Variants in TG observed in about 807,000 individuals in gnomAD.
The protein encoded by TG is thyroid hormones.
TG carries 270 observed loss-of-function variants against 324.7 expected under a neutral mutation model. That is an observed-to-expected ratio of 0.83 (90% CI 0.75 to 0.92). The LOEUF (loss-of-function observed/expected upper bound fraction) is 0.92, where lower values mean the gene tolerates loss of function less well. Ranked by LOEUF, TG falls within the 40% of genes least tolerant of loss-of-function variation. The pLI is 0.00. For synonymous variants in TG, 1,401 were observed against 1,327.0 expected (o/e 1.06, Z -1.21); for missense variants, 3,591 against 3,456.4 (o/e 1.04, Z -0.98).
chr8:133,045,849 T>G (rs980855788), intron 41 of TG, among the ~76,000 whole-genome samples: 2 of 151,374 alleles, frequency 1.3e-5, no homozygotes, highest in African/African-American at 4.8e-5. Context: ...TGATCCCTAC[T>G]GTTTTGCTCT....
At chr8:133,071,242 A>G (rs2741209) in intron 41 of TG, among the ~76,000 whole-genome samples, 128,855 of 152,218 alleles carry the variant, frequency 0.85, 55,026 homozygotes, top group African/African-American at 0.96. Flanking sequence ...TGGAGTATGC[A>G]TCATTACGCT....
chr8:133,103,687 G>A (rs977391113), intron 43 of TG, among the ~76,000 whole-genome samples: 1 of 152,214 alleles, frequency 6.6e-6, no homozygotes, highest in African/African-American at 2.4e-5. Context: ...CCCTGAGCAA[G>A]CTGTGCTTGA....
At chr8:133,084,834 C>T (rs1846281507) in intron 41 of TG, among the ~76,000 whole-genome samples, 1 of 152,234 alleles carries the variant, frequency 6.6e-6, no homozygotes, top group Admixed American at 6.5e-5. Context: ...ACATGGACTG[C>T]CGTGCCTGTC....
intron 45 of TG, among the ~76,000 whole-genome samples, chr8:133,120,635 C>T (rs770270532): frequency 1.2e-4 from 18 of 152,272 alleles, no homozygotes; most frequent in African/African-American, 2.6e-4. Context: ...TCTTCGTGCA[C>T]GTCAGTCTCT....
At chr8:133,079,392 C>T (rs1845405725) in intron 41 of TG, among the ~76,000 whole-genome samples, 1 of 152,228 alleles carries the variant, frequency 6.6e-6, no homozygotes, top group African/African-American at 2.4e-5. Context: ...TGGTCATCAC[C>T]TTATTAAAGT....
At chr8:132,994,672 A>ACT (rs1447524102) in intron 35 of TG, 1 of 1,285,118 alleles carries the variant, frequency 7.8e-7, no homozygotes, top group African/African-American at 1.5e-5. Context: ...TCCTGAAGGA[A>ACT]CTCAGTTTGA....
chr8:133,121,088 G>A (rs1023436828), intron 45 of TG, among the ~76,000 whole-genome samples: 7 of 152,126 alleles, frequency 4.6e-5, no homozygotes, highest in Admixed American at 1.3e-4. Flanking sequence ...ACTACCTCCC[G>A]TGGCTCCGTG....
intron 35 of TG, among the ~76,000 whole-genome samples, chr8:133,000,481 C>T (rs1833353533): frequency 6.6e-6 from 1 of 152,198 alleles, no homozygotes; most frequent in Admixed American, 6.5e-5. Context: ...GTATAATTTA[C>T]TCCAAGTCAC....
intron 31 of TG, among the ~76,000 whole-genome samples, chr8:132,968,611 C>T (rs765944069): frequency 5.3e-5 from 8 of 152,112 alleles, no homozygotes; most frequent in Non-Finnish European, 1.0e-4. Flanking sequence ...CTTATTTTTC[C>T]ACTCGAATGT....
At chr8:132,912,947 T>C in intron 19 of TG, 100 bp from the exon 20 acceptor site, 3 of 1,131,870 alleles carry the variant, frequency 2.7e-6, no homozygotes, top group Non-Finnish European at 3.9e-6. Flanking sequence ...CTATGTCTCA[T>C]TCCAGTCTGG....
At chr8:133,072,709 G>C (rs1339662066) in intron 41 of TG, among the ~76,000 whole-genome samples, 1 of 152,200 alleles carries the variant, frequency 6.6e-6, no homozygotes, top group Non-Finnish European at 1.5e-5. Flanking sequence ...CTTTAAAAAG[G>C]CTCATTTCCC....
At chr8:132,887,832 A>C (rs561170116) in intron 9 of TG, 152 bp from the exon 10 acceptor site, 1 of 814,656 alleles carries the variant, frequency 1.2e-6, no homozygotes, top group Non-Finnish European at 2.0e-6. Context: ...GGCAATGCCT[A>C]TCTAGATATT....
In TG at chr8:132,872,744, C is replaced by A. The variant is rs190956634; in HGVS notation, c.479-318C>A. 1.4e-3 allele frequency among the ~76,000 whole-genome samples: 218 copies of A among 152,268 alleles called. 1 individual carries two copies. The highest frequency in any genetic ancestry group is 5.0e-3 in the African/African-American group (206 of 41,556). ...ATACTGTATTTTTACTGTACCGTTT[C>A]TATGCTTAGGTATGTCTAGATACAC... On this transcript the variant is annotated intron_variant, in intron 4 of 47. Coordinates refer to ENST00000220616, the MANE Select transcript of TG (RefSeq NM_003235.5).
chr8:133,072,301 G>A (rs957140397), intron 41 of TG, among the ~76,000 whole-genome samples: 1 of 152,176 alleles, frequency 6.6e-6, no homozygotes, highest in Non-Finnish European at 1.5e-5. Flanking sequence ...CTCCCTTAGC[G>A]GTTCTCAGAT....
At chr8:133,031,374 G>A (rs1176635621) in intron 41 of TG, among the ~76,000 whole-genome samples, 2 of 152,180 alleles carry the variant, frequency 1.3e-5, no homozygotes. Flanking sequence ...TCTGTTGATG[G>A]ACATTTGAAT....
chr8:133,063,326 G>C (rs1241663543), intron 41 of TG, among the ~76,000 whole-genome samples: 1 of 151,454 alleles, frequency 6.6e-6, no homozygotes, highest in Admixed American at 6.6e-5. Flanking sequence ...TAAGCAGCAG[G>C]CTCCCACCAC....
At chr8:132,976,496 G>A (rs1454515244) in intron 34 of TG, among the ~76,000 whole-genome samples, 2 of 152,208 alleles carry the variant, frequency 1.3e-5, no homozygotes, top group Non-Finnish European at 2.9e-5. Flanking sequence ...AGGTGTGGAA[G>A]CCTGTTGCTG....
At chr8:133,052,185 A>G (rs962354278) in intron 41 of TG, among the ~76,000 whole-genome samples, 1 of 152,236 alleles carries the variant, frequency 6.6e-6, no homozygotes, top group African/African-American at 2.4e-5. Flanking sequence ...CCTCTTGGGC[A>G]GACTAAGTCT....
chr8:132,913,048 G>C lies in TG; in HGVS notation c.4161G>C (p.Glu1387Asp). Residue 1387 changes from glutamate to aspartate, a missense_variant and splice_region_variant, in exon 20 of 48, where the codon GAG becomes GAC. Transcript: ENST00000220616. Reference protein sequence around the residue: ...VASLPDLHDIERALVGKDLLG... With the variant: ...VASLPDLHDIDRALVGKDLLG... ...TCTACCTTATCCTGTGTCTTACAGAGAGAGCCTTGGTGGGCAAGGATCTCC... is the reference window on the plus strand; with the variant it reads ...TCTACCTTATCCTGTGTCTTACAGACAGAGCCTTGGTGGGCAAGGATCTCC... 1 of 1,614,114 alleles carries C rather than the reference G, an allele frequency of 6.2e-7. No homozygotes were observed. Among genetic ancestry groups the C allele is most frequent in the Non-Finnish European group, 8.5e-7 (1 of 1,180,006 alleles).
Sources: allele counts gnomAD v4.1 joint callset (sites outside exome capture counted in the v4.1 genomes callset), GRCh38; gene constraint gnomAD v4.1.1; transcripts MANE v1.5; gene names NCBI Gene and HGNC (gene_info 2026-07-23, HGNC 2026-07-21).